Variants in PTPRD observed in about 807,000 individuals in gnomAD.
The protein encoded by PTPRD is protein tyrosine phosphatase receptor type D.
In PTPRD, 34 loss-of-function variants were observed where a neutral mutation model predicts 214.5. The observed-to-expected ratio is 0.16, with a 90% CI of 0.12 to 0.21. The LOEUF is 0.21. PTPRD is among the 10% of genes least tolerant of loss of function. The pLI is 1.00. For missense variants in PTPRD, 2,545 were observed against 2,398.7 expected (o/e 1.06, Z -1.27); for synonymous variants, 1,128 against 845.7 (o/e 1.33, Z -5.79).
Position 9,678,268 on chromosome 9 carries a change from T to C in PTPRD, c.-287+56265A>G, listed in dbSNP as rs544292491. Among the ~76,000 whole-genome samples the C allele has an allele frequency of 2.6e-3, 402 of 152,074 alleles. 2 individuals carry two copies. Among genetic ancestry groups the C allele is most frequent in the African/African-American group, 9.1e-3 (379 of 41,512 alleles). ...AAGAGTCCACATTGCCAAGACAATC[T>C]TAAGCCAAAAGAAGAAAGCTGGAGG... is the stretch of plus-strand genomic sequence containing the variant. On this transcript the variant is annotated intron_variant, in intron 7 of 45. Coordinates refer to ENST00000381196, the MANE Select transcript of PTPRD (RefSeq NM_002839.4).
At chr9:10,264,357 C>T (rs1172174093) in intron 3 of PTPRD, among the ~76,000 whole-genome samples, 1 of 152,170 alleles carries the variant, frequency 6.6e-6, no homozygotes, top group Non-Finnish European at 1.5e-5. Context: ...AGGAGAGGGG[C>T]TGTACCCTGC....
chr9:8,859,755 A>G (rs553270076), intron 11 of PTPRD, among the ~76,000 whole-genome samples: 2 of 149,308 alleles, frequency 1.3e-5, no homozygotes, highest in East Asian at 2.0e-4. Context: ...AATAAGTCAC[A>G]TATTTTTTAA....
At position 8,331,655 on chromosome 9, in the gene PTPRD, T is replaced by G; in HGVS notation, c.5461A>C (p.Ile1821Leu). Residue 1821 changes from isoleucine to leucine, a missense_variant, in exon 44 of 46, where the codon ATT becomes CTT. Physicochemically the swap from Ile to Leu is conservative, Grantham distance 5 (BLOSUM62 2). Transcript: ENST00000381196. ...QGVPKSGEGF[I>L]DFIGQVHKTK... The stretch of plus-strand genomic sequence containing the variant: ...TTATGGACTTGGCCGATGAAGTCAA[T>G]AAATCCTTCTCCGGACTTTGGCACT... The G allele has an allele frequency of 6.2e-7, 1 of 1,613,994 alleles. No homozygotes were observed. Among genetic ancestry groups the G allele is most frequent in the South Asian group, 1.1e-5 (1 of 91,078 alleles).
rs544613009 is a variant in PTPRD at position 8,881,414 on chromosome 9, C to T, written c.-104+137283G>A. Among the ~76,000 whole-genome samples, 8 of 152,298 alleles carry T rather than the reference C, an allele frequency of 5.3e-5. No homozygotes were observed. In the South Asian group the frequency reaches 6.2e-4, roughly 12 times the overall value. On this transcript the variant is annotated intron_variant, in intron 11 of 45. Coordinates refer to ENST00000381196, the MANE Select transcript of PTPRD (RefSeq NM_002839.4). ...GACATATTAGGCTTTATTCAAGTTA[C>T]GTACATTTTTCCTCTCAAACATGAG...
chr9:10,046,145 C>A (rs1355800123), intron 3 of PTPRD, among the ~76,000 whole-genome samples: 1 of 151,782 alleles, frequency 6.6e-6, no homozygotes, highest in East Asian at 1.9e-4. Context: ...ACTAACAAAT[C>A]ATCATTAAGC....
At chr9:10,135,453 G>GA (rs767518504) in intron 3 of PTPRD, among the ~76,000 whole-genome samples, 8 of 151,862 alleles carry the variant, frequency 5.3e-5, no homozygotes, top group Non-Finnish European at 1.0e-4. Flanking sequence ...CAATGTGATA[G>GA]AAAAAAATAT....
chr9:9,145,655 T>C (rs924372475), intron 10 of PTPRD, among the ~76,000 whole-genome samples: 3 of 152,028 alleles, frequency 2.0e-5, no homozygotes, highest in African/African-American at 4.8e-5. Context: ...AAGGTAAAGA[T>C]AAAATTGCCC....
At chr9:8,443,024 GGT>G (rs2095599781) in intron 34 of PTPRD, among the ~76,000 whole-genome samples, 1 of 152,150 alleles carries the variant, frequency 6.6e-6, no homozygotes, top group Non-Finnish European at 1.5e-5. Flanking sequence ...ACATGCCTGT[GGT>G]CCCAGCTACT....
intron 2 of PTPRD, among the ~76,000 whole-genome samples, chr9:10,361,227 A>C (rs1314079102): frequency 6.6e-6 from 1 of 152,232 alleles, no homozygotes; most frequent in Admixed American, 6.5e-5. Flanking sequence ...AACAGAAGAC[A>C]GGTAGATTCT....
At chr9:9,520,067 G>T (rs1247566329) in intron 8 of PTPRD, among the ~76,000 whole-genome samples, 4 of 151,838 alleles carry the variant, frequency 2.6e-5, no homozygotes, top group African/African-American at 9.7e-5. Context: ...TCAAATATTG[G>T]AACTTTTTTC....
chr9:9,022,697 T>C (rs1304453451), intron 10 of PTPRD, among the ~76,000 whole-genome samples: 2 of 152,282 alleles, frequency 1.3e-5, no homozygotes, highest in Middle Eastern at 3.4e-3. Flanking sequence ...TGCTAAGATT[T>C]TCAAAGAAGT....
At chr9:9,779,641 A>T (rs546371716) in intron 5 of PTPRD, among the ~76,000 whole-genome samples, 1 of 152,224 alleles carries the variant, frequency 6.6e-6, no homozygotes, top group Non-Finnish European at 1.5e-5. Flanking sequence ...AATGCCAATC[A>T]AAACCACAGT....
chr9:10,248,460 C>T (rs2092414082), intron 3 of PTPRD, among the ~76,000 whole-genome samples: 1 of 136,836 alleles, frequency 7.3e-6, no homozygotes, highest in Non-Finnish European at 1.5e-5. Flanking sequence ...ACTTTTCCAA[C>T]ATGGATCGTG....
At chr9:8,496,474 G>C (rs2097273797) in intron 26 of PTPRD, among the ~76,000 whole-genome samples, 1 of 152,124 alleles carries the variant, frequency 6.6e-6, no homozygotes, top group Non-Finnish European at 1.5e-5. Context: ...GTCACATCAT[G>C]TGTCCCTTGC....
intron 14 of PTPRD, among the ~76,000 whole-genome samples, chr9:8,559,654 A>G (rs1427465359): frequency 1.3e-5 from 2 of 152,192 alleles, no homozygotes; most frequent in East Asian, 1.9e-4. Flanking sequence ...CCCAATGCCT[A>G]AGCTTCAGTC....
intron 10 of PTPRD, among the ~76,000 whole-genome samples, chr9:9,138,926 G>C (rs191203072): frequency 2.8e-4 from 43 of 152,058 alleles, no homozygotes; most frequent in African/African-American, 1.0e-3. Flanking sequence ...AACTACCCTA[G>C]ACACTAAGTA....
intron 12 of PTPRD, among the ~76,000 whole-genome samples, chr9:8,728,170 A>C (rs1456132611): frequency 6.6e-6 from 1 of 152,172 alleles, no homozygotes; most frequent in East Asian, 1.9e-4. Flanking sequence ...GAATCGCTTG[A>C]ACCGAGGAGG....
At chr9:10,112,657 T>C (rs1225596404) in intron 3 of PTPRD, among the ~76,000 whole-genome samples, 1 of 152,154 alleles carries the variant, frequency 6.6e-6, no homozygotes, top group Non-Finnish European at 1.5e-5. Context: ...TGGACCCAGA[T>C]TCTAAAAGTC....
chr9:8,427,372 G>A (rs999375357), intron 35 of PTPRD, among the ~76,000 whole-genome samples: 1 of 152,166 alleles, frequency 6.6e-6, no homozygotes, highest in African/African-American at 2.4e-5. Flanking sequence ...GTTTGCTCCT[G>A]TTGTTGATAC....
Sources: allele counts gnomAD v4.1 joint callset (sites outside exome capture counted in the v4.1 genomes callset), GRCh38; gene constraint gnomAD v4.1.1; transcripts MANE v1.5; gene names NCBI Gene and HGNC (gene_info 2026-07-23, HGNC 2026-07-21).